The following FAM114A1 variants were observed in gnomAD, a reference collection of about 807,000 sequenced individuals.
FAM114A1 encodes the protein protein NOXP20.
Under a neutral mutation model 64.3 loss-of-function variants are expected in FAM114A1, and 62 were observed. The observed-to-expected ratio is 0.96, with a 90% CI of 0.79 to 1.19. The LOEUF is 1.19. FAM114A1 is among the 50% of genes most tolerant of loss of function. The pLI is 0.00. For missense variants in FAM114A1, 645 were observed against 676.3 expected, an observed-to-expected ratio of 0.95 and a Z score of 0.51; for synonymous variants, 254 against 251.1, an observed-to-expected ratio of 1.01 and a Z score of -0.11.
intron 3 of FAM114A1, among the ~76,000 whole-genome samples, chr4:38,884,001 C>T (rs556689404): frequency 3.3e-5 from 5 of 152,280 alleles, no homozygotes; most frequent in Admixed American, 6.5e-5. Context: ...GGCACAAGAT[C>T]ATAGTGGAAG....
At chr4:38,937,165 T>G (rs1330970440) in intron 13 of FAM114A1, among the ~76,000 whole-genome samples, 1 of 152,228 alleles carries the variant, frequency 6.6e-6, no homozygotes, top group Non-Finnish European at 1.5e-5. Flanking sequence ...TTAGGTTGTT[T>G]TCTTGGTTTC....
intron 8 of FAM114A1, among the ~76,000 whole-genome samples, chr4:38,918,788 G>A (rs113759848): frequency 0.055 from 8,412 of 151,918 alleles, 575 homozygotes; most frequent in African/African-American, 0.16. Flanking sequence ...GCAAAACCCT[G>A]TCTCAAATAA....
intron 2 of FAM114A1, among the ~76,000 whole-genome samples, chr4:38,871,418 T>C (rs1443364758): frequency 1.3e-5 from 2 of 152,044 alleles, no homozygotes; most frequent in Admixed American, 1.3e-4. Flanking sequence ...GATGTAAAGA[T>C]CTAGTATTAA....
intron 8 of FAM114A1, among the ~76,000 whole-genome samples, chr4:38,915,580 G>T (rs887550444): frequency 1.3e-5 from 2 of 152,140 alleles, no homozygotes; most frequent in Non-Finnish European, 2.9e-5. Flanking sequence ...CTTACTGAAG[G>T]TTAAGGTTCT....
intron 3 of FAM114A1, among the ~76,000 whole-genome samples, chr4:38,883,577 C>T (rs1715508768): frequency 6.6e-6 from 1 of 152,170 alleles, no homozygotes; most frequent in African/African-American, 2.4e-5. Flanking sequence ...GTTGAGTACT[C>T]TCATGGGAAA....
At chr4:38,937,758 C>G (rs565093168) in intron 13 of FAM114A1, among the ~76,000 whole-genome samples, 5 of 152,072 alleles carry the variant, frequency 3.3e-5, no homozygotes, top group Middle Eastern at 3.4e-3. Flanking sequence ...TTTTTGAAAC[C>G]GTGTCTTGCT....
rs553407656 is a variant in FAM114A1, at chr4:38,934,079, C to T, written c.1464-1639C>T. Among the ~76,000 whole-genome samples, 5 of 152,260 alleles carry T rather than the reference C, an allele frequency of 3.3e-5. 1 individual carries two copies. Among genetic ancestry groups the T allele is most frequent in the African/African-American group, 1.2e-4 (5 of 41,546 alleles). On this transcript the variant is annotated intron_variant, in intron 12 of 14. Transcript: ENST00000358869. ...TAGAAAGAATAGGCACTTGCCTAAA[C>T]ATTTAGAAGGAAGAGGAAAGGACAA... is the stretch of plus-strand genomic sequence containing the variant.
intron 8 of FAM114A1, among the ~76,000 whole-genome samples, chr4:38,918,345 C>A (rs1243023309): frequency 6.6e-6 from 1 of 152,204 alleles, no homozygotes; most frequent in African/African-American, 2.4e-5. Context: ...AGCATTCCTG[C>A]ATTTAGGGCT....
intron 7 of FAM114A1, among the ~76,000 whole-genome samples, chr4:38,912,868 C>T (rs1028388498): frequency 6.6e-6 from 1 of 152,140 alleles, no homozygotes; most frequent in Admixed American, 6.5e-5. Context: ...GAGATCAGTG[C>T]GGGTAATTAG....
At chr4:38,896,803 T>C (rs1427052931) in intron 4 of FAM114A1, among the ~76,000 whole-genome samples, 3 of 152,220 alleles carry the variant, frequency 2.0e-5, no homozygotes, top group Admixed American at 6.5e-5. Context: ...TCATTCACAG[T>C]AGTAGACAAG....
At chr4:38,869,091 T>C (rs1299691093) in intron 2 of FAM114A1, among the ~76,000 whole-genome samples, 2 of 152,204 alleles carry the variant, frequency 1.3e-5, no homozygotes, top group Non-Finnish European at 2.9e-5. Flanking sequence ...CTTTTATTAA[T>C]ATCAAACACA....
intron 4 of FAM114A1, among the ~76,000 whole-genome samples, chr4:38,893,248 C>G (rs1265862149): frequency 6.6e-6 from 1 of 152,184 alleles, no homozygotes; most frequent in Non-Finnish European, 1.5e-5. Flanking sequence ...AAGTGACATG[C>G]TTTCTAAGCC....
At chr4:38,921,311 G>A (rs1440914799) in intron 8 of FAM114A1, among the ~76,000 whole-genome samples, 1 of 152,170 alleles carries the variant, frequency 6.6e-6, no homozygotes, top group Non-Finnish European at 1.5e-5. Flanking sequence ...TTGCTGGAGT[G>A]CAGTGGCACA....
chr4:38,877,693 G>A (rs568105951), intron 2 of FAM114A1, among the ~76,000 whole-genome samples: 15 of 152,266 alleles, frequency 9.9e-5, no homozygotes, highest in South Asian at 4.1e-4. Context: ...GGCCGGGCGC[G>A]GTGGCTCACG....
At chr4:38,901,749 G>A (rs767020120) in intron 4 of FAM114A1, among the ~76,000 whole-genome samples, 8 of 152,200 alleles carry the variant, frequency 5.3e-5, no homozygotes, top group Non-Finnish European at 1.0e-4. Context: ...TGCTTTGCGG[G>A]AAGAAAAAGA....
At chr4:38,902,723 G>A (rs1207098176) in intron 4 of FAM114A1, among the ~76,000 whole-genome samples, 5 of 152,114 alleles carry the variant, frequency 3.3e-5, no homozygotes, top group African/African-American at 1.2e-4. Context: ...GATACTTGGG[G>A]TTTGGGATGA....
At chr4:38,870,600 C>G (rs1713952603) in intron 2 of FAM114A1, among the ~76,000 whole-genome samples, 2 of 152,212 alleles carry the variant, frequency 1.3e-5, no homozygotes. Context: ...CACCCTTCCT[C>G]TCCTTAGAGT....
chr4:38,898,923 T>TTA (rs201273419), intron 4 of FAM114A1, among the ~76,000 whole-genome samples: 25 of 147,732 alleles, frequency 1.7e-4, no homozygotes, highest in Admixed American at 1.4e-3. Flanking sequence ...AATATATATG[T>TTA]TATATATATG....
At chr4:38,915,216 G>C (rs557834855) in intron 8 of FAM114A1, 143 bp downstream of exon 8, 1 of 1,064,560 alleles carries the variant, frequency 9.4e-7, no homozygotes, top group Middle Eastern at 2.6e-4. Flanking sequence ...CTGTACAATG[G>C]GATGACCCTC....
Sources: gnomAD v4.1 joint callset for allele counts (sites outside exome capture counted in the v4.1 genomes callset) on GRCh38, gnomAD v4.1.1 for gene constraint, MANE v1.5 for transcripts, NCBI Gene and HGNC (gene_info 2026-07-23, HGNC 2026-07-21) for gene names.